Variants in EXOC6B observed in about 807,000 individuals in gnomAD.
EXOC6B encodes SEC15 homolog B.
EXOC6B carries 54 observed loss-of-function variants against 113.5 expected under a neutral mutation model. The ratio of observed to expected loss-of-function variants is 0.48; its 90% CI spans 0.38 to 0.60. EXOC6B has a LOEUF of 0.60. Among genes scored for constraint, EXOC6B ranks in the 20% least tolerant of loss-of-function variants. The pLI is 0.00. For synonymous variants in EXOC6B, 357 were observed against 339.0 expected (o/e 1.05, Z -0.58); for missense variants, 797 against 977.5 (o/e 0.82, Z 2.46).
At chr2:72,385,135 A>T (rs572445292) in intron 18 of EXOC6B, among the ~76,000 whole-genome samples, 4 of 152,300 alleles carry the variant, frequency 2.6e-5, no homozygotes, top group African/African-American at 7.2e-5. Flanking sequence ...AGTAATCAAG[A>T]CAGTATGGCA....
At chr2:72,338,958 TACACATACATAC>T (rs1252216332) in intron 19 of EXOC6B, among the ~76,000 whole-genome samples, 2 of 151,196 alleles carry the variant, frequency 1.3e-5, no homozygotes, top group South Asian at 2.1e-4. Flanking sequence ...CACATACACA[TACACATACATAC>T]ACATACACAT....
intron 10 of EXOC6B, among the ~76,000 whole-genome samples, 193 bp from the exon 11 acceptor site, chr2:72,513,445 C>T (rs935915109): frequency 6.6e-6 from 1 of 152,040 alleles, no homozygotes; most frequent in Non-Finnish European, 1.5e-5. Context: ...ATCATGACAT[C>T]TTCATAACCA....
chr2:72,701,341 CAAA>C (rs34639104), intron 6 of EXOC6B, among the ~76,000 whole-genome samples: 1 of 57,318 alleles, frequency 1.7e-5, no homozygotes, highest in Admixed American at 1.9e-4. Flanking sequence ...ACTCCATCTT[CAAA>C]AAAAAAAAAA....
intron 20 of EXOC6B, among the ~76,000 whole-genome samples, chr2:72,187,995 C>G (rs1678556482): frequency 6.6e-6 from 1 of 152,208 alleles, no homozygotes; most frequent in African/African-American, 2.4e-5. Context: ...CCCAGGCCCC[C>G]AAGAGTGAAG....
chr2:72,288,636 T>C (rs1415834220), intron 20 of EXOC6B: 1 of 152,144 alleles, frequency 6.6e-6, no homozygotes, highest in Non-Finnish European at 1.5e-5. Context: ...CTAGATACTA[T>C]ATAATCCCAC....
intron 1 of EXOC6B, among the ~76,000 whole-genome samples, chr2:72,779,021 T>C (rs1474273987): frequency 6.6e-6 from 1 of 152,058 alleles, no homozygotes; most frequent in Admixed American, 6.6e-5. Context: ...TATTACAGTA[T>C]TTATAAAAAC....
chr2:72,409,512 A>C (rs897440717), intron 18 of EXOC6B, among the ~76,000 whole-genome samples: 1 of 152,182 alleles, frequency 6.6e-6, no homozygotes, highest in African/African-American at 2.4e-5. Flanking sequence ...GTTGGCACAT[A>C]TACACCATGG....
chr2:72,747,840 T>C (rs1370270738), intron 1 of EXOC6B, among the ~76,000 whole-genome samples: 2 of 152,092 alleles, frequency 1.3e-5, no homozygotes, highest in South Asian at 2.1e-4. Context: ...ATAGATTCTA[T>C]TATGTGCTCC....
chr2:72,213,201 G>A (rs991055014), intron 20 of EXOC6B, among the ~76,000 whole-genome samples: 1 of 152,212 alleles, frequency 6.6e-6, no homozygotes, highest in South Asian at 2.1e-4. Context: ...AGACTTGTGA[G>A]TGAAGCCATC....
At position 72,293,512 on chromosome 2, in the gene EXOC6B, A is replaced by G. The variant is rs957636770; in HGVS notation, c.2196+41435T>C. Among the ~76,000 whole-genome samples, 6 of 152,138 alleles carry G rather than the reference A, an allele frequency of 3.9e-5. No homozygotes were observed. In the East Asian group the frequency reaches 1.2e-3, roughly 29 times the overall value. ...TAGATGAATAATTGTTAAAAATGAGATAATTCCTAAGTAGATAGGAATTGC... is the reference window on the plus strand; with the variant it reads ...TAGATGAATAATTGTTAAAAATGAGGTAATTCCTAAGTAGATAGGAATTGC... On this transcript the variant is annotated intron_variant, in intron 20 of 21. Transcript: ENST00000272427.
At chr2:72,573,714 A>T (rs1704649117) in intron 7 of EXOC6B, among the ~76,000 whole-genome samples, 1 of 152,234 alleles carries the variant, frequency 6.6e-6, no homozygotes, top group Non-Finnish European at 1.5e-5. Context: ...CTTCATTTAC[A>T]TAATAAACAT....
intron 20 of EXOC6B, among the ~76,000 whole-genome samples, chr2:72,326,282 T>C (rs752313148): frequency 1.3e-5 from 2 of 152,152 alleles, no homozygotes; most frequent in Non-Finnish European, 2.9e-5. Context: ...CTCAAAAACT[T>C]TCAAATTCCA....
At position 72,398,514 on chromosome 2, in the gene EXOC6B, T is replaced by C. The variant is rs1294030200; in HGVS notation, c.1981-18644A>G. Among the ~76,000 whole-genome samples, 3 of 152,102 alleles carry C rather than the reference T, an allele frequency of 2.0e-5. No homozygotes were observed. In the South Asian group the frequency reaches 6.2e-4, roughly 32 times the overall value. On this transcript the variant is annotated intron_variant, in intron 18 of 21. Transcript: ENST00000272427. ...GAGTTCAAGACCAGCCTGACTAACA[T>C]GGTGAAACCCCGTCTCTATTAAAAA...
At chr2:72,217,414 C>A (rs945895584) in intron 20 of EXOC6B, among the ~76,000 whole-genome samples, 7 of 152,180 alleles carry the variant, frequency 4.6e-5, no homozygotes, top group African/African-American at 1.7e-4. Context: ...AGGGTATTAA[C>A]TACCTCTGCT....
intron 20 of EXOC6B, among the ~76,000 whole-genome samples, chr2:72,237,489 C>T (rs577961694): frequency 2.6e-5 from 4 of 151,954 alleles, no homozygotes; most frequent in Non-Finnish European, 4.4e-5. Flanking sequence ...TGCAAAGAAA[C>T]CAACATATGG....
intron 1 of EXOC6B, among the ~76,000 whole-genome samples, chr2:72,813,753 C>G (rs949190386): frequency 5.3e-5 from 8 of 152,206 alleles, no homozygotes; most frequent in African/African-American, 1.9e-4. Flanking sequence ...GACCACATTT[C>G]ATATCAATAT....
At chr2:72,404,231 C>T (rs1435442471) in intron 18 of EXOC6B, among the ~76,000 whole-genome samples, 3 of 152,198 alleles carry the variant, frequency 2.0e-5, no homozygotes, top group Non-Finnish European at 2.9e-5. Context: ...CTGGGTGGAG[C>T]CCACCACAGC....
At chr2:72,452,525 A>C (rs1246623828) in intron 18 of EXOC6B, among the ~76,000 whole-genome samples, 2 of 152,206 alleles carry the variant, frequency 1.3e-5, no homozygotes. Flanking sequence ...AAGGGTGAAC[A>C]GTCATAAAAG....
At chr2:72,543,185 C>A (rs995455771) in intron 8 of EXOC6B, among the ~76,000 whole-genome samples, 5 of 151,846 alleles carry the variant, frequency 3.3e-5, no homozygotes, top group African/African-American at 1.2e-4. Flanking sequence ...AAAAGAACAA[C>A]CAGAAATGAG....
Sources: allele counts gnomAD v4.1 joint callset (sites outside exome capture counted in the v4.1 genomes callset), GRCh38; gene constraint gnomAD v4.1.1; transcripts MANE v1.5; gene names NCBI Gene and HGNC (gene_info 2026-07-23, HGNC 2026-07-21).